Variants in AKAP9 observed in about 807,000 individuals in gnomAD.
AKAP9 encodes the protein A-kinase anchor protein 9.
Under a neutral mutation model 488.5 loss-of-function variants are expected in AKAP9, and 311 were observed. The observed-to-expected ratio is 0.64, with a 90% confidence interval of 0.58 to 0.70. AKAP9 has a LOEUF of 0.70. Among genes scored for constraint, AKAP9 ranks in the 30% least tolerant of loss-of-function variants. The pLI, the probability that AKAP9 is intolerant of heterozygous loss-of-function variation, is 0.00. For missense variants in AKAP9, 4,215 were observed against 4,374.5 expected (o/e 0.96, Z 1.03); for synonymous variants, 1,462 against 1,483.5 (o/e 0.99, Z 0.33).
chr7:92,026,540 G>A (rs1041383715), intron 14 of AKAP9, among the ~76,000 whole-genome samples: 10 of 152,152 alleles, frequency 6.6e-5, no homozygotes, highest in Admixed American at 4.6e-4. Flanking sequence ...TCGCCATGTT[G>A]GCTGGGCTGG....
chr7:91,941,698 G>A (rs1790777142), intron 1 of AKAP9, among the ~76,000 whole-genome samples: 1 of 152,148 alleles, frequency 6.6e-6, no homozygotes, highest in African/African-American at 2.4e-5. Flanking sequence ...GGCGTTTTTA[G>A]AAGCGTGTCT....
rs1252228770 is a variant in AKAP9 at position 92,110,155 on chromosome 7, G to C, written c.11720G>C (p.Arg3907Thr). 6.2e-7 allele frequency: 1 copy of C among 1,600,780 alleles called. No individual in the cohort carries two copies. Among genetic ancestry groups the C allele is most frequent in the South Asian group, 1.1e-5 (1 of 89,620 alleles). Residue 3907 changes from arginine (R) to threonine (T), a missense_variant, in exon 50 of 50, where the codon AGA becomes ACA. Coordinates refer to ENST00000356239, the MANE Select transcript of AKAP9 (RefSeq NM_005751.5). ...STTQFHAGMR[R>T] The stretch of plus-strand genomic sequence containing the variant: ...ACTCAATTTCATGCTGGCATGAGAA[G>C]ATAATCCTTTGAAACATCATTAATT...
intron 22 of AKAP9, among the ~76,000 whole-genome samples, chr7:92,060,037 C>G (rs6969536): frequency 0.4 from 61,136 of 151,526 alleles, 12,664 homozygotes; most frequent in African/African-American, 0.47. Context: ...CCTATTAAAA[C>G]AAGAATAATT....
At position 92,107,371 on chromosome 7, in the gene AKAP9, G is replaced by A. The variant is rs781296769; in HGVS notation, c.11495G>A (p.Arg3832His). ...LYGEPRHTTY[R>H]SRSDLDYIRS... Reference sequence around the variant, plus strand: ...GGAGAACCAAGACATACTACGTATCGCTCAAGATCAGATCTGGACTATATT... The same window carrying A: ...GGAGAACCAAGACATACTACGTATCACTCAAGATCAGATCTGGACTATATT... Residue 3832 changes from arginine to histidine, a missense_variant, in exon 48 of 50, where the codon CGC (arginine) becomes CAC (histidine). This residue lies in a region of AKAP9 where 253 missense variants were observed against 266.8 expected (regional missense o/e 0.95). Coordinates refer to ENST00000356239, the MANE Select transcript of AKAP9 (RefSeq NM_005751.5). The A allele has an allele frequency of 4.7e-5, 76 of 1,613,448 alleles. No individual in the cohort carries two copies. Among genetic ancestry groups the A allele is most frequent in the South Asian group, 3.5e-4 (32 of 91,068 alleles).
At chr7:92,013,998 A>C (rs1801156935) in intron 9 of AKAP9, among the ~76,000 whole-genome samples, 1 of 152,160 alleles carries the variant, frequency 6.6e-6, no homozygotes, top group Non-Finnish European at 1.5e-5. Context: ...ATAGGTTATG[A>C]TATATGATGC....
At chr7:92,090,400 G>A (rs1386487203) in intron 38 of AKAP9, 1 of 152,202 alleles carries the variant, frequency 6.6e-6, no homozygotes, top group Non-Finnish European at 1.5e-5. Flanking sequence ...TGACGTGGGT[G>A]GATCACGAGG....
chr7:91,952,891 G>A (rs10280927), intron 1 of AKAP9, among the ~76,000 whole-genome samples: 91,307 of 151,896 alleles, frequency 0.6, 27,728 homozygotes, highest in East Asian at 0.83. Context: ...GTGATCATAG[G>A]TCATTGCAGC....
intron 5 of AKAP9, among the ~76,000 whole-genome samples, chr7:91,994,389 A>G (rs952645359): frequency 1.3e-5 from 2 of 152,224 alleles, no homozygotes; most frequent in African/African-American, 2.4e-5. Context: ...TTGTCCTTCT[A>G]TAAGTAAATA....
At chr7:92,017,206 GAAAA>G (rs748561536) in intron 12 of AKAP9, 104 bp downstream of exon 12, 6 of 863,092 alleles carry the variant, frequency 7.0e-6, no homozygotes, top group Non-Finnish European at 1.1e-5. Context: ...AAGAGAACAT[GAAAA>G]AGGAGATTGG....
At chr7:92,078,952 G>A in intron 30 of AKAP9, 127 bp from the exon 31 acceptor site, 2 of 605,844 alleles carry the variant, frequency 3.3e-6, no homozygotes, top group South Asian at 4.4e-5. Flanking sequence ...TAAGTAGTAT[G>A]TCTGAGAAGT....
intron 21 of AKAP9, among the ~76,000 whole-genome samples, chr7:92,049,697 A>T (rs1452495411): frequency 6.6e-6 from 1 of 152,086 alleles, no homozygotes; most frequent in Non-Finnish European, 1.5e-5. Flanking sequence ...GGATTTTTTT[A>T]AATTTGGTTT....
chr7:92,024,997 T>C (rs181764997), intron 14 of AKAP9, among the ~76,000 whole-genome samples: 1 of 152,332 alleles, frequency 6.6e-6, no homozygotes, highest in Non-Finnish European at 1.5e-5. Flanking sequence ...ATATAATTTT[T>C]TTAATTACTT....
At chr7:91,947,990 A>G (rs1444177126) in intron 1 of AKAP9, among the ~76,000 whole-genome samples, 4 of 152,174 alleles carry the variant, frequency 2.6e-5, no homozygotes, top group Admixed American at 2.0e-4. Context: ...ACAATCACCA[A>G]CGCACTCTCT....
intron 1 of AKAP9, among the ~76,000 whole-genome samples, chr7:91,960,641 T>C (rs1245373678): frequency 2.6e-5 from 4 of 152,252 alleles, no homozygotes; most frequent in Admixed American, 1.3e-4. Flanking sequence ...TGAGATGATA[T>C]ATTTCTGTGT....
At chr7:92,069,876 A>T (rs1186281819) in intron 26 of AKAP9, among the ~76,000 whole-genome samples, 154 bp from the exon 27 acceptor site, 1 of 152,156 alleles carries the variant, frequency 6.6e-6, no homozygotes, top group African/African-American at 2.4e-5. Context: ...TGGGTAACAT[A>T]ATGAGACTCC....
In AKAP9 at chr7:92,088,326, A is replaced by T. The variant is rs149305564; in HGVS notation, c.9214-1059A>T. Among the ~76,000 whole-genome samples, 241 of 152,312 alleles carry T rather than the reference A, an allele frequency of 1.6e-3. 1 individual carries two copies. Among genetic ancestry groups the T allele is most frequent in the African/African-American group, 5.6e-3 (231 of 41,590 alleles). On this transcript the variant is annotated intron_variant, in intron 37 of 49. Coordinates refer to ENST00000356239, the MANE Select transcript of AKAP9 (RefSeq NM_005751.5). ...TATCAGACCAAAACAAATTGAGAAC[A>T]CTACATCTATCAAAATAAAAAATAG...
chr7:92,078,006 A>G (rs896192001), intron 30 of AKAP9, 131 bp downstream of exon 30: 3 of 611,436 alleles, frequency 4.9e-6, no homozygotes, highest in Non-Finnish European at 7.2e-6. Context: ...TATTTTATTT[A>G]TTTTTTTTGA....
At chr7:92,100,189 T>G (rs1359308769) in intron 44 of AKAP9, 1 of 308,796 alleles carries the variant, frequency 3.2e-6, no homozygotes, top group African/African-American at 2.2e-5. Context: ...AGCCAGATAC[T>G]TTGCTACCTA....
chr7:92,011,965 G>A (rs1584105508), intron 8 of AKAP9, among the ~76,000 whole-genome samples: 1 of 152,284 alleles, frequency 6.6e-6, no homozygotes, highest in Admixed American at 6.5e-5. Flanking sequence ...GCTGGGCATG[G>A]TGGCATGCAC....
Sources: gnomAD v4.1 joint callset for allele counts (sites outside exome capture counted in the v4.1 genomes callset) on GRCh38, gnomAD v4.1.1 for gene constraint, gnomAD v4.1.1 regional missense constraint, MANE v1.5 for transcripts, NCBI Gene and HGNC (gene_info 2026-07-23, HGNC 2026-07-21) for gene names.